The following TCF7L2 variants were observed in gnomAD, a reference collection of about 807,000 sequenced individuals.
TCF7L2 encodes the protein transcription factor 7 like 2.
A neutral mutation model predicts 77.9 loss-of-function variants in TCF7L2; 23 were observed. The ratio of observed to expected loss-of-function variants is 0.30; its 90% confidence interval spans 0.21 to 0.42. The LOEUF is 0.42. TCF7L2 is among the 10% of genes least tolerant of loss of function. TCF7L2 has a pLI of 1.00. For missense variants in TCF7L2, 654 were observed against 793.1 expected, an observed-to-expected ratio of 0.82 and a Z score of 2.11; for synonymous variants, 413 against 340.2, an observed-to-expected ratio of 1.21 and a Z score of -2.36.
At chr10:113,070,523 C>T (rs1395234952) in intron 5 of TCF7L2, among the ~76,000 whole-genome samples, 1 of 151,964 alleles carries the variant, frequency 6.6e-6, no homozygotes, top group East Asian at 1.9e-4. Flanking sequence ...AAAGGAGAGC[C>T]CTGCGGGAAT....
rs147151864 is a variant in TCF7L2, at chr10:112,999,182, C to A, written c.450+34558C>A. On this transcript the variant is annotated intron_variant, in intron 4 of 13. Coordinates refer to ENST00000627217, the MANE Select transcript of TCF7L2 (RefSeq NM_001146274.2). Reference sequence around the variant, plus strand: ...CCCCATTCTCATGGGACTTTCCAATCCATGAGATACTTTGCTGCAGGGAAG... The same window carrying A: ...CCCCATTCTCATGGGACTTTCCAATACATGAGATACTTTGCTGCAGGGAAG... Among the ~76,000 whole-genome samples, 226 of 152,308 alleles carry A rather than the reference C, an allele frequency of 1.5e-3. 1 individual carries two copies. The highest frequency in any genetic ancestry group is 4.9e-3 in the African/African-American group (204 of 41,576).
intron 4 of TCF7L2, among the ~76,000 whole-genome samples, chr10:113,001,407 G>C (rs553439734): frequency 6.6e-6 from 1 of 152,350 alleles, no homozygotes; most frequent in South Asian, 2.1e-4. Context: ...CCAGCTCCGA[G>C]TTCTGTGCTG....
intron 4 of TCF7L2, among the ~76,000 whole-genome samples, chr10:113,010,983 G>A (rs1291848063): frequency 6.6e-6 from 1 of 152,172 alleles, no homozygotes; most frequent in Non-Finnish European, 1.5e-5. Flanking sequence ...TCCAGCCTGG[G>A]CAATGAGAGT....
intron 7 of TCF7L2, among the ~76,000 whole-genome samples, 193 bp downstream of exon 7, chr10:113,144,218 A>T (rs1488200446): frequency 2.0e-5 from 3 of 151,362 alleles, no homozygotes; most frequent in Admixed American, 2.0e-4. Flanking sequence ...GTCCTGTGGG[A>T]ATACAGGCAA....
intron 3 of TCF7L2, among the ~76,000 whole-genome samples, chr10:112,953,292 G>C (rs991769279): frequency 2.0e-5 from 3 of 152,152 alleles, no homozygotes; most frequent in African/African-American, 7.2e-5. Context: ...GAAGCTGGGA[G>C]AGCGGTTCGG....
At chr10:113,025,729 T>C (rs1333570538) in intron 4 of TCF7L2, among the ~76,000 whole-genome samples, 1 of 152,110 alleles carries the variant, frequency 6.6e-6, no homozygotes, top group Non-Finnish European at 1.5e-5. Context: ...TTTACTGTTA[T>C]TATCCTGATG....
intron 5 of TCF7L2, among the ~76,000 whole-genome samples, chr10:113,046,143 C>T (rs905045581): frequency 6.6e-6 from 1 of 152,130 alleles, no homozygotes; most frequent in Non-Finnish European, 1.5e-5. Context: ...AAACTCTGTC[C>T]TCTGGTGAAG....
At chr10:113,157,656 G>A in intron 11 of TCF7L2, 1 of 214,016 alleles carries the variant, frequency 4.7e-6, no homozygotes, top group South Asian at 7.8e-5. Context: ...CTCTCAGACT[G>A]CTTGCAACGC....
intron 5 of TCF7L2, among the ~76,000 whole-genome samples, chr10:113,116,186 C>T (rs982412619): frequency 6.6e-6 from 1 of 152,064 alleles, no homozygotes; most frequent in Non-Finnish European, 1.5e-5. Context: ...TTATCATTTT[C>T]TCCCTCTTTT....
At position 112,961,254 on chromosome 10, in the gene TCF7L2, A is replaced by ACCGC. The variant is rs1349844083; in HGVS notation, c.382-3300_382-3299insGCCC. 2.1e-3 allele frequency among the ~76,000 whole-genome samples: 124 copies of ACCGC among 60,478 alleles called. 13 individuals are homozygous for ACCGC. Among genetic ancestry groups the ACCGC allele is most frequent in the African/African-American group, 8.5e-3 (57 of 6,736 alleles). 39.7% of individuals were successfully genotyped at this position (60,478 alleles called of 152,430 possible). A position where few individuals can be genotyped will look rare whatever the true frequency, so the allele number is the denominator to read the frequency against. Reference sequence around the variant, plus strand: ...GGTCTCGAACTCCCGACCTCAGGTGACCCCCCCCCCCCCAACCTCGGCCTT... The same window carrying ACCGC: ...GGTCTCGAACTCCCGACCTCAGGTGACCGCCCCCCCCCCCCCCAACCTCGGCCTT... On this transcript the variant is annotated intron_variant, in intron 3 of 13. Transcript: ENST00000627217.
intron 5 of TCF7L2, among the ~76,000 whole-genome samples, chr10:113,105,279 G>A (rs1210172606): frequency 1.3e-5 from 2 of 152,186 alleles, no homozygotes; most frequent in Non-Finnish European, 2.9e-5. Context: ...CGTCTAGCCA[G>A]GAGTAACGGC....
intron 8 of TCF7L2, 103 bp from the exon 9 acceptor site, chr10:113,150,891 TGTGA>T: frequency 6.8e-7 from 1 of 1,479,406 alleles, no homozygotes; most frequent in Non-Finnish European, 9.1e-7. Context: ...GTTGCTTTCA[TGTGA>T]GTGTTACGTG....
chr10:113,083,259 GACACACACACAC>G lies in TCF7L2; in HGVS notation c.552+43156_552+43167del, dbSNP rs10649541. ...ACACTGCCCTCCACATATACTGATA[GACACACACACAC>G]ACACACACACACACACACACACGTG... On this transcript the variant is annotated intron_variant, in intron 5 of 13. Transcript: ENST00000627217. Among the ~76,000 whole-genome samples the G allele has an allele frequency of 6.5e-3, 938 of 143,464 alleles. 10 individuals carry two copies. Among genetic ancestry groups the G allele is most frequent in the African/African-American group, 0.023 (881 of 38,068 alleles). 94.1% of individuals were successfully genotyped at this position (143,464 alleles called of 152,430 possible). A position where few individuals can be genotyped will look rare whatever the true frequency, so the allele number is the denominator to read the frequency against.
At chr10:113,091,387 T>C (rs139573198) in intron 5 of TCF7L2, among the ~76,000 whole-genome samples, 177 of 152,328 alleles carry the variant, frequency 1.2e-3, no homozygotes, top group African/African-American at 3.8e-3. Context: ...CTTCATGTAC[T>C]AAAGTGGAAA....
chr10:113,166,069 C>G lies in TCF7L2; in HGVS notation c.*97C>G, dbSNP rs2074027999. The G allele has an allele frequency of 8.3e-7, 1 of 1,203,886 alleles. No homozygotes were observed. Among genetic ancestry groups the G allele is most frequent in the Non-Finnish European group, 1.1e-6 (1 of 922,988 alleles). The allele number at this position is 1,203,886 out of a possible 1,614,324, so 74.6% of individuals were successfully genotyped here. A position where few individuals can be genotyped will look rare whatever the true frequency, so the allele number is the denominator to read the frequency against. ...ACCTTGAAAGGTTTTGTTTTGTACT[C>G]TCTTAATTTTGTGCCATGTGGCTAC... On this transcript the variant is annotated 3_prime_UTR_variant, in exon 14 of 14. Transcript: ENST00000627217.
chr10:112,964,812 TGG>T (rs374001468), intron 4 of TCF7L2, among the ~76,000 whole-genome samples, 188 bp downstream of exon 4: 1 of 38,300 alleles, frequency 2.6e-5, no homozygotes, highest in African/African-American at 9.8e-5. Context: ...GTGGTGGTGG[TGG>T]GGGGGGGTTG....
intron 3 of TCF7L2, among the ~76,000 whole-genome samples, chr10:112,959,900 G>C (rs2034622137): frequency 6.6e-6 from 1 of 151,928 alleles, no homozygotes; most frequent in African/African-American, 2.4e-5. Context: ...ATGGAAATTA[G>C]ATTTCAAGTG....
In TCF7L2 at chr10:113,056,578, G is replaced by C. The variant is rs1564834499; in HGVS notation, c.552+16452G>C. Reference sequence around the variant, plus strand: ...TCACCCTCCCCCATATTATTGGGGAGAGGGGGCAAGAAGTCTGGGAAGCTG... The same window carrying C: ...TCACCCTCCCCCATATTATTGGGGACAGGGGGCAAGAAGTCTGGGAAGCTG... On this transcript the variant is annotated intron_variant, in intron 5 of 13. Transcript: ENST00000627217. Among the ~76,000 whole-genome samples, 3 of 152,320 alleles carry C rather than the reference G, an allele frequency of 2.0e-5. No homozygotes were observed. The East Asian group carries it at 5.8e-4, about 29-fold the overall frequency.
At position 112,995,872 on chromosome 10, in the gene TCF7L2, C is replaced by G. The variant is rs1469498766; in HGVS notation, c.450+31248C>G. Among the ~76,000 whole-genome samples the G allele has an allele frequency of 5.9e-5, 9 of 152,260 alleles. No individual in the cohort carries two copies. In the East Asian group the frequency reaches 1.4e-3, roughly 23 times the overall value. ...AGGGAGCATCTGTCTGCAGCTTCAT[C>G]TTCATTGTCTAGGGGCTCCAGAAAT... On this transcript the variant is annotated intron_variant, in intron 4 of 13. Transcript: ENST00000627217.
Sources: allele counts gnomAD v4.1 joint callset (sites outside exome capture counted in the v4.1 genomes callset), GRCh38; gene constraint gnomAD v4.1.1; transcripts MANE v1.5; gene names NCBI Gene and HGNC (gene_info 2026-07-23, HGNC 2026-07-21).